CAB39L: variants seen among roughly 807,000 people sequenced by gnomAD.
CAB39L encodes calcium binding protein 39 like, also known as calcium-binding protein 39-like.
A neutral mutation model predicts 39.1 loss-of-function variants in CAB39L; 23 were observed. The observed-to-expected ratio is 0.59, with a 90% CI of 0.42 to 0.83. The LOEUF is 0.83. Ranked by LOEUF, CAB39L falls within the 40% of genes least tolerant of loss-of-function variation. CAB39L has a pLI of 0.00. For missense variants in CAB39L, 366 were observed against 391.9 expected (o/e 0.93, Z 0.56); for synonymous variants, 126 against 137.2 (o/e 0.92, Z 0.57).
chr13:49,436,129 T>C (rs984000517), intron 1 of CAB39L, among the ~76,000 whole-genome samples: 2 of 152,230 alleles, frequency 1.3e-5, no homozygotes, highest in Non-Finnish European at 1.5e-5. Flanking sequence ...CTGTTTTGCT[T>C]TGTATGTTGC....
chr13:49,442,438 A>C (rs1184734185), intron 1 of CAB39L, among the ~76,000 whole-genome samples: 1 of 152,220 alleles, frequency 6.6e-6, no homozygotes, highest in Non-Finnish European at 1.5e-5. Context: ...CATTTTGACA[A>C]GCCAACTGGA....
intron 4 of CAB39L, among the ~76,000 whole-genome samples, chr13:49,381,017 T>C (rs1418869012): frequency 1.3e-5 from 2 of 152,224 alleles, no homozygotes; most frequent in Non-Finnish European, 2.9e-5. Context: ...AACCTCTGCC[T>C]CCTGCGTTCA....
chr13:49,329,590 T>A (rs1954626834), intron 10 of CAB39L, among the ~76,000 whole-genome samples: 2 of 114,340 alleles, frequency 1.7e-5, no homozygotes, highest in Admixed American at 9.9e-5. Context: ...TATATATATA[T>A]ATATATAATG....
At chr13:49,406,020 G>A (rs943019304) in intron 3 of CAB39L, among the ~76,000 whole-genome samples, 1 of 151,538 alleles carries the variant, frequency 6.6e-6, no homozygotes, top group African/African-American at 2.4e-5. Flanking sequence ...AGGGCAAAGG[G>A]GATAGTTAAT....
Position 49,350,863 on chromosome 13 carries a change from A to C in CAB39L, c.445T>G (p.Cys149Gly). Reference sequence around the variant, plus strand: ...TTGGCAAGTGGTTCATGTCGAATACATTCTCTCAGCATAATCCCACAACGT... The same window carrying C: ...TTGGCAAGTGGTTCATGTCGAATACCTTCTCTCAGCATAATCCCACAACGT... ...ALRCGIMLRE[C>G]IRHEPLAKII... The change falls in exon 7 of 11, where the codon TGT (cysteine) becomes GGT (glycine). Residue 149 changes from cysteine (C) to glycine (G), a missense_variant. Coordinates refer to ENST00000409308, the MANE Select transcript of CAB39L (RefSeq NM_001079670.3). The C allele has an allele frequency of 6.2e-7, 1 of 1,611,964 alleles. No homozygotes were observed. Among genetic ancestry groups the C allele is most frequent in the Non-Finnish European group, 8.5e-7 (1 of 1,178,992 alleles).
At chr13:49,321,665 A>T (rs1326866564) in intron 10 of CAB39L, among the ~76,000 whole-genome samples, 1 of 152,196 alleles carries the variant, frequency 6.6e-6, no homozygotes, top group Non-Finnish European at 1.5e-5. Flanking sequence ...AAATGTTCTT[A>T]ACTACTTATC....
intron 1 of CAB39L, among the ~76,000 whole-genome samples, chr13:49,442,700 G>C (rs753208870): frequency 1.2e-4 from 18 of 147,742 alleles, no homozygotes; most frequent in Non-Finnish European, 2.4e-4. Flanking sequence ...GCTGAGGCAG[G>C]AGAATCGCTT....
At chr13:49,346,058 C>CATAT in intron 7 of CAB39L, among the ~76,000 whole-genome samples, 1 of 66,436 alleles carries the variant, frequency 1.5e-5, no homozygotes, top group South Asian at 4.9e-4. Context: ...ATTCCTCCAG[C>CATAT]ATATATATAT....
At chr13:49,380,107 G>T (rs963830881) in intron 4 of CAB39L, among the ~76,000 whole-genome samples, 1 of 152,136 alleles carries the variant, frequency 6.6e-6, no homozygotes, top group African/African-American at 2.4e-5. Flanking sequence ...CCAAAGTGCT[G>T]GGATTACAGG....
chr13:49,374,185 G>C (rs566619174), intron 5 of CAB39L, among the ~76,000 whole-genome samples: 4 of 152,244 alleles, frequency 2.6e-5, no homozygotes, highest in African/African-American at 9.6e-5. Context: ...TTCTAGGTAT[G>C]TGTCACGTCA....
At chr13:49,440,715 AGTGTGTGTGTGTGTGTGTGT>A (rs56314282) in intron 1 of CAB39L, among the ~76,000 whole-genome samples, 20 of 135,538 alleles carry the variant, frequency 1.5e-4, no homozygotes, top group East Asian at 6.4e-4. Context: ...ATTCCTAGGC[AGTGTGTGTGTGTGTGTGTGT>A]GTGTGTGTGT....
At chr13:49,424,049 G>A (rs867088095) in intron 3 of CAB39L, among the ~76,000 whole-genome samples, 3 of 152,226 alleles carry the variant, frequency 2.0e-5, no homozygotes, top group East Asian at 1.9e-4. Flanking sequence ...ATAAATAAAC[G>A]GGAGAGAAGA....
chr13:49,441,219 G>GTATATATATATATATATATA lies in CAB39L; in HGVS notation c.-246+2766_-246+2767insTATATATATATATATATATA, dbSNP rs1259284077. On this transcript the variant is annotated intron_variant, in intron 1 of 10. Coordinates refer to ENST00000409308, the MANE Select transcript of CAB39L (RefSeq NM_001079670.3). ...TTGATGATTTTCTTATAATGATTTAGTGTATATATATATATATATATATAT... is the reference window on the plus strand; with the variant it reads ...TTGATGATTTTCTTATAATGATTTAGTATATATATATATATATATATGTATATATATATATATATATATAT... Among the ~76,000 whole-genome samples, 25 of 99,646 alleles carry GTATATATATATATATATATA rather than the reference G, an allele frequency of 2.5e-4. No individual in the cohort carries two copies. The East Asian group carries it at 3.3e-3, about 13-fold the overall frequency. The allele number at this position is 99,646 out of a possible 152,430, so 65.4% of individuals were successfully genotyped here. A position where few individuals can be genotyped will look rare whatever the true frequency, so the allele number is the denominator to read the frequency against.
chr13:49,396,164 G>A (rs948979365), intron 3 of CAB39L, among the ~76,000 whole-genome samples: 8 of 151,498 alleles, frequency 5.3e-5, no homozygotes, highest in African/African-American at 1.5e-4. Context: ...TGAAGGGAGT[G>A]GGAAATTTAT....
intron 3 of CAB39L, among the ~76,000 whole-genome samples, chr13:49,431,846 T>A (rs764671279): frequency 2.6e-4 from 39 of 152,220 alleles, no homozygotes; most frequent in African/African-American, 8.9e-4. Context: ...ATTCATAGTA[T>A]CTTTATCTGT....
intron 4 of CAB39L, among the ~76,000 whole-genome samples, chr13:49,380,118 C>T (rs967432301): frequency 2.6e-5 from 4 of 152,186 alleles, no homozygotes; most frequent in Middle Eastern, 3.2e-3. Flanking sequence ...GGATTACAGG[C>T]GTGAGCCACT....
At chr13:49,440,975 C>G (rs911356262) in intron 1 of CAB39L, among the ~76,000 whole-genome samples, 1 of 151,774 alleles carries the variant, frequency 6.6e-6, no homozygotes, top group African/African-American at 2.4e-5. Flanking sequence ...TATGTGGATG[C>G]CTTTTGTTTC....
At chr13:49,358,598 C>T (rs1397694946) in intron 6 of CAB39L, among the ~76,000 whole-genome samples, 1 of 152,140 alleles carries the variant, frequency 6.6e-6, no homozygotes, top group African/African-American at 2.4e-5. Flanking sequence ...CAGTGGCTCA[C>T]GCCTGTAATT....
At chr13:49,414,887 T>C (rs374221444) in intron 3 of CAB39L, among the ~76,000 whole-genome samples, 2 of 152,054 alleles carry the variant, frequency 1.3e-5, no homozygotes. Context: ...CGCCATTAAG[T>C]AGGCATTAAA....
Sources: gnomAD v4.1 joint callset for allele counts (sites outside exome capture counted in the v4.1 genomes callset) on GRCh38, gnomAD v4.1.1 for gene constraint, MANE v1.5 for transcripts, NCBI Gene and HGNC (gene_info 2026-07-23, HGNC 2026-07-21) for gene names.